BRDT: variants seen among roughly 807,000 people sequenced by gnomAD.
BRDT encodes the protein bromodomain testis-specific protein.
BRDT carries 77 observed loss-of-function variants against 113.9 expected under a neutral mutation model. That is an observed-to-expected ratio of 0.68 (90% CI 0.56 to 0.82). The LOEUF (loss-of-function observed/expected upper bound fraction) is 0.82. Among genes scored for constraint, BRDT ranks in the 40% least tolerant of loss-of-function variants. The probability of loss-of-function intolerance (pLI) is 0.00; values close to 1 mark genes in which losing one functional copy is unlikely to be tolerated. For synonymous variants in BRDT, 358 were observed against 366.5 expected (o/e 0.98, Z 0.26); for missense variants, 1,027 against 1,105.4 (o/e 0.93, Z 1.01).
chr1:91,999,733 A>G (rs1057276196), intron 15 of BRDT, among the ~76,000 whole-genome samples: 2 of 152,170 alleles, frequency 1.3e-5, no homozygotes, highest in South Asian at 2.1e-4. Context: ...TTTGGCATCC[A>G]TGACTTCTAG....
At chr1:91,985,865 C>G (rs1478892024) in intron 12 of BRDT, among the ~76,000 whole-genome samples, 1 of 150,866 alleles carries the variant, frequency 6.6e-6, no homozygotes, top group Non-Finnish European at 1.5e-5. Context: ...GTCTCGATCT[C>G]CTGACCTCGT....
intron 1 of BRDT, among the ~76,000 whole-genome samples, chr1:91,955,737 A>ATATT (rs1681691509): frequency 6.6e-6 from 1 of 152,234 alleles, no homozygotes; most frequent in South Asian, 2.1e-4. Flanking sequence ...TTTTAGTCAT[A>ATATT]TATTGCTGGA....
chr1:91,964,789 G>A, intron 3 of BRDT, 25 bp downstream of exon 3: 1 of 1,367,558 alleles, frequency 7.3e-7, no homozygotes, highest in East Asian at 2.4e-5. Context: ...TGTTATACTT[G>A]CTAATTCTTT....
intron 18 of BRDT, among the ~76,000 whole-genome samples, chr1:92,013,462 C>T (rs1217190385): frequency 6.6e-6 from 1 of 152,100 alleles, no homozygotes; most frequent in Non-Finnish European, 1.5e-5. Context: ...CCACTCTGGT[C>T]TGTTGCTGTT....
chr1:92,000,839 T>A (rs367729690), intron 15 of BRDT, among the ~76,000 whole-genome samples: 1 of 152,204 alleles, frequency 6.6e-6, no homozygotes, highest in African/African-American at 2.4e-5. Flanking sequence ...TTTGTTGGCA[T>A]ACATAAGCAA....
chr1:91,985,888 T>C (rs1046012548), intron 12 of BRDT, among the ~76,000 whole-genome samples: 1 of 152,140 alleles, frequency 6.6e-6, no homozygotes, highest in Admixed American at 6.5e-5. Flanking sequence ...TCCGCCCGCC[T>C]CGGCCTCCCA....
chr1:91,970,412 A>G (rs929463414), intron 4 of BRDT, among the ~76,000 whole-genome samples: 1 of 152,066 alleles, frequency 6.6e-6, no homozygotes. Flanking sequence ...TATTAAGGAC[A>G]TGTACCACCA....
intron 16 of BRDT, among the ~76,000 whole-genome samples, chr1:92,002,990 T>C (rs1488648869): frequency 1.3e-5 from 2 of 152,192 alleles, no homozygotes; most frequent in Non-Finnish European, 2.9e-5. Context: ...CCTCTACTTC[T>C]TACCTTTTCC....
At chr1:91,961,572 T>TG (rs1387934464) in intron 1 of BRDT, among the ~76,000 whole-genome samples, 5 of 151,962 alleles carry the variant, frequency 3.3e-5, no homozygotes, top group African/African-American at 1.2e-4. Context: ...AACATTACAG[T>TG]GGGCCGAGAT....
chr1:91,986,691 T>G (rs1685273103), intron 12 of BRDT, among the ~76,000 whole-genome samples: 1 of 152,212 alleles, frequency 6.6e-6, no homozygotes, highest in African/African-American at 2.4e-5. Context: ...CAAACAGGAA[T>G]AAATAAATTT....
chr1:91,991,920 A>G (rs1685796771), intron 13 of BRDT, among the ~76,000 whole-genome samples: 1 of 133,490 alleles, frequency 7.5e-6, no homozygotes, highest in Non-Finnish European at 1.5e-5. Flanking sequence ...TGAACCCGGG[A>G]GGCAGAGCTT....
intron 4 of BRDT, 162 bp downstream of exon 4, chr1:91,968,422 A>T: frequency 9.0e-7 from 1 of 1,106,206 alleles, no homozygotes; most frequent in Non-Finnish European, 1.3e-6. Context: ...AACCTTGATC[A>T]CAAGGATGGG....
intron 15 of BRDT, among the ~76,000 whole-genome samples, chr1:91,998,070 G>A (rs1686504798): frequency 6.6e-6 from 1 of 152,100 alleles, no homozygotes; most frequent in African/African-American, 2.4e-5. Flanking sequence ...ACATGAAATG[G>A]ACAATGTTGA....
intron 18 of BRDT, among the ~76,000 whole-genome samples, chr1:92,013,875 T>G (rs1688008020): frequency 6.6e-6 from 1 of 152,220 alleles, no homozygotes; most frequent in South Asian, 2.1e-4. Flanking sequence ...GACAGTGTGC[T>G]CTCAGCGTTC....
At chr1:91,960,882 TTAAAG>T (rs1448886571) in intron 1 of BRDT, among the ~76,000 whole-genome samples, 4 of 152,228 alleles carry the variant, frequency 2.6e-5, no homozygotes, top group African/African-American at 9.6e-5. Context: ...TTTATTATCC[TTAAAG>T]TAATGATGCT....
At chr1:91,974,673 C>T (rs1200335591) in intron 4 of BRDT, among the ~76,000 whole-genome samples, 2 of 152,154 alleles carry the variant, frequency 1.3e-5, no homozygotes, top group African/African-American at 4.8e-5. Context: ...AACACTTTTA[C>T]ACTGTTGGTG....
chr1:91,967,034 A>C (rs2101598096), intron 3 of BRDT, among the ~76,000 whole-genome samples: 1 of 152,096 alleles, frequency 6.6e-6, no homozygotes, highest in Non-Finnish European at 1.5e-5. Flanking sequence ...GCGCCACTGT[A>C]CTCCAGCCTG....
At chr1:91,962,426 C>T (rs980109572) in intron 1 of BRDT, among the ~76,000 whole-genome samples, 2 of 151,986 alleles carry the variant, frequency 1.3e-5, no homozygotes, top group South Asian at 4.2e-4. Context: ...CTCTGCCTCC[C>T]GGATTTAAGG....
intron 18 of BRDT, among the ~76,000 whole-genome samples, chr1:92,006,719 G>A (rs769686875): frequency 3.3e-5 from 5 of 151,854 alleles, no homozygotes; most frequent in Admixed American, 6.6e-5. Context: ...CGCCTGCCTC[G>A]GCCTCCCAAA....
Sources: gnomAD v4.1 joint callset for allele counts (sites outside exome capture counted in the v4.1 genomes callset) on GRCh38, gnomAD v4.1.1 for gene constraint, MANE v1.5 for transcripts, NCBI Gene and HGNC (gene_info 2026-07-23, HGNC 2026-07-21) for gene names.